Variants in TNK2 observed in about 807,000 individuals in gnomAD.
TNK2 encodes tyrosine kinase non receptor 2.
In TNK2, 83 loss-of-function variants were observed where a neutral mutation model predicts 101.8. That is an observed-to-expected ratio of 0.82 (90% CI 0.68 to 0.98). TNK2 has a LOEUF of 0.98. Ranked by LOEUF, TNK2 falls within the 50% of genes least tolerant of loss-of-function variation. TNK2 has a pLI of 0.00. For missense variants in TNK2, 1,665 were observed against 1,483.2 expected, an observed-to-expected ratio of 1.12 and a Z score of -2.01; for synonymous variants, 804 against 633.0, an observed-to-expected ratio of 1.27 and a Z score of -4.06.
At chr3:195,896,438 G>A (rs1760523187) in intron 1 of TNK2, 1 of 280,742 alleles carries the variant, frequency 3.6e-6, no homozygotes, top group Non-Finnish European at 7.1e-6. Context: ...CACACCCCAA[G>A]CACACCAGGG....
chr3:195,869,292 C>T, intron 12 of TNK2: 2 of 626,178 alleles, frequency 3.2e-6, no homozygotes, highest in Non-Finnish European at 5.7e-6. Flanking sequence ...AAGCCAGGGC[C>T]ACACTCGTGA....
chr3:195,897,666 T>C (rs1760757379), intron 1 of TNK2, among the ~76,000 whole-genome samples: 1 of 152,122 alleles, frequency 6.6e-6, no homozygotes, highest in Non-Finnish European at 1.5e-5. Flanking sequence ...CACACCCAGC[T>C]AATTTTTGTA....
rs375283257 is a variant in TNK2, at chr3:195,878,366, C to G, written c.1162-19G>C. The G allele has an allele frequency of 6.2e-7, 1 of 1,613,964 alleles. No homozygotes were observed. Among genetic ancestry groups the G allele is most frequent in the East Asian group, 2.2e-5 (1 of 44,882 alleles). ...GCTGGGCCTGGAGGAAGAGGAAGGT[C>G]GTGGCCAACTCTGGGACTGACGCCT... On this transcript the variant is annotated intron_variant, in intron 8 of 15. Transcript: ENST00000672887. This position sits in a 1 kb window ranked among gnomAD's most constrained non-coding sequence, Gnocchi z 4.7.
At chr3:195,873,426 G>A (rs1746844091) in intron 9 of TNK2, among the ~76,000 whole-genome samples, 1 of 135,478 alleles carries the variant, frequency 7.4e-6, no homozygotes, top group Non-Finnish European at 1.6e-5. Context: ...GGCAGGCGGG[G>A]GCGGTGAGAG....
intron 1 of TNK2, among the ~76,000 whole-genome samples, chr3:195,906,944 A>G (rs945321929): frequency 6.6e-6 from 1 of 152,100 alleles, no homozygotes; most frequent in Non-Finnish European, 1.5e-5. Flanking sequence ...TTTACTCACG[A>G]CACTGCAGGG....
intron 1 of TNK2, among the ~76,000 whole-genome samples, chr3:195,902,733 A>C (rs1213921846): frequency 1.3e-5 from 2 of 148,626 alleles, no homozygotes; most frequent in Non-Finnish European, 3.0e-5. Flanking sequence ...AAAAACCTAT[A>C]GCTAATACCA....
At chr3:195,907,163 G>A (rs1435614376) in intron 1 of TNK2, among the ~76,000 whole-genome samples, 21 of 152,330 alleles carry the variant, frequency 1.4e-4, no homozygotes, top group Admixed American at 1.0e-3. Context: ...AAAACAGACC[G>A]TTCTCTCCAC....
In TNK2 at chr3:195,878,350, G is replaced by A. The variant is rs370947158; in HGVS notation, c.1162-3C>T. ...GCCCGCATGTCTGTGGGCTGGGCCT[G>A]GAGGAAGAGGAAGGTCGTGGCCAAC... is the stretch of plus-strand genomic sequence containing the variant. On this transcript the variant is annotated splice_polypyrimidine_tract_variant and splice_region_variant and intron_variant, in intron 8 of 15. Transcript: ENST00000672887. The surrounding 1 kb of genome is among the most constrained non-coding windows in gnomAD (Gnocchi z 4.7). 126 of 1,614,048 alleles carry A rather than the reference G, an allele frequency of 7.8e-5. No individual in the cohort carries two copies. The African/African-American group carries it at 1.1e-3, about 15-fold the overall frequency.
At chr3:195,869,682 C>T (rs1743595480) in intron 11 of TNK2, 141 bp from the exon 12 acceptor site, 3 of 880,780 alleles carry the variant, frequency 3.4e-6, no homozygotes, top group South Asian at 1.5e-5. Flanking sequence ...TACAAGCCCC[C>T]AGCAAACGGG....
At chr3:195,875,599 C>G (rs1239488336) in intron 9 of TNK2, among the ~76,000 whole-genome samples, 1 of 152,208 alleles carries the variant, frequency 6.6e-6, no homozygotes, top group East Asian at 1.9e-4. Context: ...GGCCGAGGCA[C>G]CAGCAGTCCA....
chr3:195,868,618 C>A lies in TNK2; in HGVS notation c.1680G>T (p.Gly560=), dbSNP rs542698987. 6.5e-5 allele frequency: 104 copies of A among 1,589,516 alleles called. No homozygotes were observed. In the African/African-American group the frequency reaches 1.1e-3, roughly 16 times the overall value. Residue 560 remains glycine, a synonymous_variant, in exon 13 of 16, where the codon GGG becomes GGT. Coordinates refer to ENST00000672887, the MANE Select transcript of TNK2 (RefSeq NM_001382273.1). ...GCGCCGAGGGCTTCGCCAGCCACAG[C>A]CCTCGGGGCAGGCCTGGCTTCCGCA... ...LGLRKPGLPR[G]LWLAKPSARV...
In TNK2 at chr3:195,888,742, A is replaced by G; in HGVS notation, c.-18-136T>C. On this transcript the variant is annotated intron_variant, in intron 1 of 15. Coordinates refer to ENST00000672887, the MANE Select transcript of TNK2 (RefSeq NM_001382273.1). The surrounding 1 kb of genome is among the most constrained non-coding windows in gnomAD (Gnocchi z 5.3). ...ACACCACCTTCTGACTCCCGAGGGA[A>G]GCTACCGAGAACCGCCTGGACCCAC... 1.2e-6 allele frequency: 1 copy of G among 857,012 alleles called. No homozygotes were observed. Among genetic ancestry groups the G allele is most frequent in the Non-Finnish European group, 1.7e-6 (1 of 575,504 alleles). The allele number at this position is 857,012 out of a possible 1,614,324, so 53.1% of individuals were successfully genotyped here. A position where few individuals can be genotyped will look rare whatever the true frequency, so the allele number is the denominator to read the frequency against.
chr3:195,888,518 A>G lies in TNK2; in HGVS notation c.71T>C (p.Leu24Pro), dbSNP rs1196890974. 1.2e-6 allele frequency: 2 copies of G among 1,613,512 alleles called. No individual in the cohort carries two copies. The highest frequency in any genetic ancestry group is 1.7e-6 in the Non-Finnish European group (2 of 1,179,994). Residue 24 changes from leucine to proline, a missense_variant, in exon 2 of 16, where the codon CTG becomes CCG. Physicochemically the swap from Leu to Pro is moderately conservative, Grantham distance 98 (BLOSUM62 -3). This residue lies in a region of TNK2 where 490 missense variants were observed against 522.5 expected (regional missense o/e 0.94). Coordinates refer to ENST00000672887, the MANE Select transcript of TNK2 (RefSeq NM_001382273.1). This position sits in a 1 kb window ranked among gnomAD's most constrained non-coding sequence, Gnocchi z 5.3. ...LSEVQLQQYF[L>P]RLRDDLNVTR... Reference sequence around the variant, plus strand: ...GACGTTGAGGTCATCTCGGAGCCGCAGGAAGTACTGTTGCAGCTGCACCTC... The same window carrying G: ...GACGTTGAGGTCATCTCGGAGCCGCGGGAAGTACTGTTGCAGCTGCACCTC...
chr3:195,887,043 C>A lies in TNK2; in HGVS notation c.168G>T (p.Gln56His). 1 of 1,614,172 alleles carries A rather than the reference C, an allele frequency of 6.2e-7. No homozygotes were observed. Among genetic ancestry groups the A allele is most frequent in the Non-Finnish European group, 8.5e-7 (1 of 1,180,012 alleles). ...LEKIGMGRPG[Q>H]RRLWEAVKRR... ...TCTTCACAGCCTCCCACAGCCGCCG[C>A]TGGCCTGCAGGGAGAGCGGGGAACC... Residue 56 changes from glutamine (Q) to histidine (H), a missense_variant, in exon 3 of 16, where the codon CAG becomes CAT. Physicochemically the swap from Gln to His is conservative, Grantham distance 24 (BLOSUM62 0). This residue lies in a region of TNK2 where 490 missense variants were observed against 522.5 expected (regional missense o/e 0.94). Transcript: ENST00000672887.
intron 6 of TNK2, among the ~76,000 whole-genome samples, chr3:195,880,330 C>T (rs1230948486): frequency 1.3e-5 from 2 of 152,162 alleles, no homozygotes; most frequent in Non-Finnish European, 2.9e-5. Flanking sequence ...TGGCGAACTT[C>T]CCTGATGTTT....
chr3:195,865,777 A>G (rs544709614), intron 15 of TNK2, among the ~76,000 whole-genome samples: 1 of 151,444 alleles, frequency 6.6e-6, no homozygotes, highest in South Asian at 2.1e-4. Flanking sequence ...CACCCGAGAC[A>G]GTATGGGACA....
intron 1 of TNK2, among the ~76,000 whole-genome samples, chr3:195,890,514 G>A (rs1385312451): frequency 6.4e-5 from 8 of 124,588 alleles, no homozygotes; most frequent in African/African-American, 2.5e-4. Flanking sequence ...ACAATGGTAT[G>A]ATCTTGGCTC....
chr3:195,867,815 T>C lies in TNK2; in HGVS notation c.2483A>G (p.Lys828Arg). ...AAAGCTCTGGGTGGTGGGCATGGTCTTCCCAGGTGAGCTTGAGAGCCGGGG... is the reference window on the plus strand; with the variant it reads ...AAAGCTCTGGGTGGTGGGCATGGTCCTCCCAGGTGAGCTTGAGAGCCGGGG... ...LPPRLSSSPG[K>R]TMPTTQSFAS... The change falls in exon 13 of 16, where the codon AAG becomes AGG. Residue 828 changes from lysine to arginine, a missense_variant. By Grantham distance (26) the Lys-to-Arg change is conservative (BLOSUM62 2). Coordinates refer to ENST00000672887, the MANE Select transcript of TNK2 (RefSeq NM_001382273.1). The C allele has an allele frequency of 3.2e-6, 5 of 1,546,614 alleles. No individual in the cohort carries two copies. Among genetic ancestry groups the C allele is most frequent in the Non-Finnish European group, 4.3e-6 (5 of 1,150,750 alleles).
chr3:195,888,789 C>G lies in TNK2; in HGVS notation c.-18-183G>C, dbSNP rs1437181139. On this transcript the variant is annotated intron_variant, in intron 1 of 15. Coordinates refer to ENST00000672887, the MANE Select transcript of TNK2 (RefSeq NM_001382273.1). The surrounding 1 kb of genome is among the most constrained non-coding windows in gnomAD (Gnocchi z 5.3). ...CCACGTCCCCTATTCCTGCCAGCCA[C>G]AGGGCACAATTAGGGCGGCGGAGAT... 2.0e-5 allele frequency among the ~76,000 whole-genome samples: 3 copies of G among 152,074 alleles called. No homozygotes were observed. Among genetic ancestry groups the G allele is most frequent in the African/African-American group, 7.2e-5 (3 of 41,408 alleles).
Sources: allele counts gnomAD v4.1 joint callset (sites outside exome capture counted in the v4.1 genomes callset), GRCh38; gene constraint gnomAD v4.1.1; regional missense constraint gnomAD v4.1.1; non-coding constraint Gnocchi (gnomAD v3.1); transcripts MANE v1.5; gene names NCBI Gene and HGNC (gene_info 2026-07-23, HGNC 2026-07-21).